Variants in SUMF1 observed in about 807,000 individuals in gnomAD.
SUMF1 encodes sulfatase modifying factor 1.
A neutral mutation model predicts 47.6 loss-of-function variants in SUMF1; 48 were observed. The ratio of observed to expected loss-of-function variants is 1.01; its 90% CI spans 0.80 to 1.28. SUMF1 has a LOEUF of 1.28. Ranked by LOEUF, SUMF1 falls within the 50% of genes most tolerant of loss-of-function variation. The pLI, the probability that SUMF1 is intolerant of heterozygous loss-of-function variation, is 0.00. For synonymous variants in SUMF1, 230 were observed against 192.1 expected (o/e 1.20, Z -1.63); for missense variants, 571 against 485.4 (o/e 1.18, Z -1.66).
chr3:4,441,073 G>A (rs550903189), intron 3 of SUMF1, among the ~76,000 whole-genome samples: 11 of 152,206 alleles, frequency 7.2e-5, no homozygotes, highest in East Asian at 3.9e-4. Flanking sequence ...ATTGGGAACC[G>A]GGCCAAACAG....
At chr3:4,457,476 C>T (rs576733068) in intron 1 of SUMF1, among the ~76,000 whole-genome samples, 1 of 152,056 alleles carries the variant, frequency 6.6e-6, no homozygotes, top group East Asian at 1.9e-4. Context: ...GGTGGAGTAC[C>T]ACACTATCTG....
At chr3:4,318,244 A>C (rs537834832) in intron 8 of SUMF1, among the ~76,000 whole-genome samples, 1 of 152,360 alleles carries the variant, frequency 6.6e-6, no homozygotes, top group East Asian at 1.9e-4. Context: ...CAAAAGAATT[A>C]TACACTGTGA....
intron 8 of SUMF1, among the ~76,000 whole-genome samples, chr3:4,301,623 G>A (rs927839425): frequency 1.3e-5 from 2 of 152,204 alleles, no homozygotes; most frequent in African/African-American, 2.4e-5. Context: ...TACCCACCAC[G>A]TCCTTAGCTA....
intron 1 of SUMF1, among the ~76,000 whole-genome samples, chr3:4,462,834 C>G (rs1306373709): frequency 2.0e-5 from 3 of 152,230 alleles, no homozygotes; most frequent in Non-Finnish European, 4.4e-5. Context: ...CTGTCACCCT[C>G]CTGCCTCTAC....
chr3:4,128,951 G>T (rs1385517281), intron 8 of SUMF1, among the ~76,000 whole-genome samples: 2 of 152,096 alleles, frequency 1.3e-5, no homozygotes, highest in African/African-American at 4.8e-5. Flanking sequence ...GACCTACTGT[G>T]AGTGAATTGG....
intron 8 of SUMF1, among the ~76,000 whole-genome samples, chr3:4,366,504 G>T: frequency 6.6e-6 from 1 of 150,646 alleles, no homozygotes; most frequent in South Asian, 2.1e-4. Flanking sequence ...CCAGTTGATT[G>T]CATCGACTCC....
intron 3 of SUMF1, among the ~76,000 whole-genome samples, chr3:4,425,583 T>C (rs1702042807): frequency 1.3e-5 from 2 of 152,206 alleles, no homozygotes; most frequent in South Asian, 2.1e-4. Context: ...GTGAAGGAAG[T>C]ATTGGAACAT....
chr3:4,183,755 A>C (rs929140123), intron 8 of SUMF1, among the ~76,000 whole-genome samples: 1 of 152,180 alleles, frequency 6.6e-6, no homozygotes, highest in Admixed American at 6.5e-5. Flanking sequence ...GGATATGCAA[A>C]ACCAATGGAA....
At chr3:4,111,496 G>A (rs1693305926) in intron 8 of SUMF1, among the ~76,000 whole-genome samples, 1 of 151,996 alleles carries the variant, frequency 6.6e-6, no homozygotes, top group Non-Finnish European at 1.5e-5. Context: ...AAGGCGGGTG[G>A]ATCACGAGGT....
intron 8 of SUMF1, among the ~76,000 whole-genome samples, chr3:4,165,061 A>C (rs1694666978): frequency 6.6e-6 from 1 of 152,124 alleles, no homozygotes; most frequent in African/African-American, 2.4e-5. Flanking sequence ...GTGGGGATGC[A>C]TACTGGGAAC....
intron 8 of SUMF1, among the ~76,000 whole-genome samples, chr3:4,290,481 T>C (rs954274578): frequency 6.6e-6 from 1 of 152,128 alleles, no homozygotes; most frequent in African/African-American, 2.4e-5. Flanking sequence ...TTGTGGACCG[T>C]AAGGGTATTG....
intron 8 of SUMF1, among the ~76,000 whole-genome samples, chr3:4,245,486 G>A (rs1379747242): frequency 6.6e-6 from 1 of 152,154 alleles, no homozygotes; most frequent in Non-Finnish European, 1.5e-5. Context: ...CCTTCTAACA[G>A]ACAGGCCCCT....
intron 8 of SUMF1, among the ~76,000 whole-genome samples, chr3:4,160,398 C>T (rs1386599819): frequency 1.3e-5 from 2 of 152,042 alleles, no homozygotes; most frequent in African/African-American, 4.8e-5. Context: ...AGCCACCACA[C>T]CCAGCTAATT....
chr3:4,280,702 C>A (rs1697509828), intron 8 of SUMF1, among the ~76,000 whole-genome samples: 1 of 152,164 alleles, frequency 6.6e-6, no homozygotes, highest in Non-Finnish European at 1.5e-5. Context: ...GCGTGCTGGG[C>A]TCTGTTCCCT....
At chr3:4,290,420 A>AT (rs1176415147) in intron 8 of SUMF1, among the ~76,000 whole-genome samples, 1 of 152,194 alleles carries the variant, frequency 6.6e-6, no homozygotes, top group Non-Finnish European at 1.5e-5. Context: ...CAAAATGGGT[A>AT]TTTTATCATT....
rs921740271 is a variant in SUMF1, at chr3:4,467,198, C to G, written c.48G>C (p.Leu16=). 1.2e-6 allele frequency: 2 copies of G among 1,611,218 alleles called. No individual in the cohort carries two copies. Among genetic ancestry groups the G allele is most frequent in the African/African-American group, 1.3e-5 (1 of 74,852 alleles). Residue 16 remains leucine (L), a synonymous_variant, in exon 1 of 9, where the codon CTG becomes CTC. Coordinates refer to ENST00000272902, the MANE Select transcript of SUMF1 (RefSeq NM_182760.4). ...LGLVCGRCPE[L]GLVLLLLLLS... ...GCAGCAGCAGCAAGAGGACGAGACC[C>G]AGCTCAGGGCAACGTCCACACACCA...
chr3:4,047,105 G>T (rs1695021120), intron 9 of SUMF1, among the ~76,000 whole-genome samples: 1 of 152,048 alleles, frequency 6.6e-6, no homozygotes. Context: ...TCCTGCCCCA[G>T]ATCTTTGCTG....
At chr3:4,224,642 C>T (rs1003122437) in intron 8 of SUMF1, among the ~76,000 whole-genome samples, 3 of 151,980 alleles carry the variant, frequency 2.0e-5, no homozygotes, top group Non-Finnish European at 4.4e-5. Flanking sequence ...CAGCCCTGCC[C>T]ACTCCTCTAG....
chr3:4,423,915 G>A (rs527513864), intron 3 of SUMF1, among the ~76,000 whole-genome samples: 11 of 152,162 alleles, frequency 7.2e-5, no homozygotes, highest in East Asian at 5.8e-4. Context: ...CTCCCACTTC[G>A]TCTTCTGCCA....
Sources: allele counts gnomAD v4.1 joint callset (sites outside exome capture counted in the v4.1 genomes callset), GRCh38; gene constraint gnomAD v4.1.1; transcripts MANE v1.5; gene names NCBI Gene and HGNC (gene_info 2026-07-23, HGNC 2026-07-21).